UBE2QL1: variants seen among roughly 807,000 people sequenced by gnomAD.
UBE2QL1 encodes the protein ubiquitin conjugating enzyme E2 QL1.
A neutral mutation model predicts 12.6 loss-of-function variants in UBE2QL1; 5 were observed. The observed-to-expected ratio is 0.40, with a 90% CI of 0.21 to 0.83. The LOEUF is 0.83. Ranked by LOEUF, UBE2QL1 falls within the 40% of genes least tolerant of loss-of-function variation. UBE2QL1 has a pLI of 0.37. For missense variants in UBE2QL1, 99 were observed against 222.6 expected (o/e 0.44, Z 3.53); for synonymous variants, 96 against 94.5 (o/e 1.02, Z -0.10).
intron 1 of UBE2QL1, among the ~76,000 whole-genome samples, chr5:6,477,059 G>C (rs1175508122): frequency 2.0e-5 from 3 of 152,082 alleles, no homozygotes; most frequent in Non-Finnish European, 4.4e-5. Flanking sequence ...AGGGACAGGG[G>C]CAGGAAGTAG....
At chr5:6,468,690 C>A (rs996263683) in intron 1 of UBE2QL1, among the ~76,000 whole-genome samples, 1 of 152,156 alleles carries the variant, frequency 6.6e-6, no homozygotes, top group Non-Finnish European at 1.5e-5. Flanking sequence ...TTTCTGAAAG[C>A]CTTCAATTCT....
At chr5:6,459,251 A>G (rs895491454) in intron 1 of UBE2QL1, among the ~76,000 whole-genome samples, 15 of 152,316 alleles carry the variant, frequency 9.8e-5, no homozygotes, top group African/African-American at 3.1e-4. Flanking sequence ...AAATTTCACA[A>G]CACTTAAAGG....
chr5:6,481,274 G>GTC lies in UBE2QL1; in HGVS notation c.355-9936_355-9935dup, dbSNP rs2126364953. ...CCCCACAGCCTGCTCCTAAGACAGC[G>GTC]TCTCTCTCTGCAGGCCTGGCCCCGG... On this transcript the variant is annotated intron_variant, in intron 1 of 1. Coordinates refer to ENST00000399816, the MANE Select transcript of UBE2QL1 (RefSeq NM_001145161.3). This position sits in a 1 kb window ranked among gnomAD's most constrained non-coding sequence, Gnocchi z 4.5. 6.6e-6 allele frequency among the ~76,000 whole-genome samples: 1 copy of GTC among 152,276 alleles called. No homozygotes were observed. Among genetic ancestry groups the GTC allele is most frequent in the African/African-American group, 2.4e-5 (1 of 41,562 alleles).
chr5:6,464,227 G>C (rs1739736890), intron 1 of UBE2QL1, among the ~76,000 whole-genome samples: 1 of 152,192 alleles, frequency 6.6e-6, no homozygotes, highest in African/African-American at 2.4e-5. Context: ...GTGATGTTTT[G>C]AGCTACATTT....
chr5:6,450,297 A>G (rs144085138), intron 1 of UBE2QL1, among the ~76,000 whole-genome samples: 3 of 152,176 alleles, frequency 2.0e-5, no homozygotes, highest in African/African-American at 7.2e-5. Flanking sequence ...ACGAAGGGCC[A>G]AACAGTTCTC....
At chr5:6,477,425 C>G (rs550270720) in intron 1 of UBE2QL1, among the ~76,000 whole-genome samples, 1 of 151,996 alleles carries the variant, frequency 6.6e-6, no homozygotes, top group Admixed American at 6.6e-5. Flanking sequence ...CAGGTGCGCC[C>G]GGAGATCAGC....
Position 6,493,270 on chromosome 5 carries a change from G to A in UBE2QL1, c.*1921G>A, listed in dbSNP as rs1291025639. 1 of 152,234 alleles carries A rather than the reference G, an allele frequency of 6.6e-6. No homozygotes were observed. Among genetic ancestry groups the A allele is most frequent in the African/African-American group, 2.4e-5 (1 of 41,462 alleles). 9.4% of individuals were successfully genotyped at this position (152,234 alleles called of 1,614,324 possible). A position where few individuals can be genotyped will look rare whatever the true frequency, so the allele number is the denominator to read the frequency against. On this transcript the variant is annotated 3_prime_UTR_variant, in exon 2 of 2. Transcript: ENST00000399816. Reference sequence around the variant, plus strand: ...GACCCTGGAGCTAGTGGTCATCATGGAATTACACTGTGGAGATGAAAGACC... The same window carrying A: ...GACCCTGGAGCTAGTGGTCATCATGAAATTACACTGTGGAGATGAAAGACC...
At chr5:6,480,079 GTGTT>G (rs376342403) in intron 1 of UBE2QL1, among the ~76,000 whole-genome samples, 101 of 152,282 alleles carry the variant, frequency 6.6e-4, no homozygotes, top group South Asian at 4.6e-3. Context: ...TTTTTCGTTT[GTGTT>G]TGTTTGTTTG....
chr5:6,489,459 A>C (rs1354201941), intron 1 of UBE2QL1, among the ~76,000 whole-genome samples: 3 of 151,906 alleles, frequency 2.0e-5, no homozygotes, highest in Non-Finnish European at 2.9e-5. Context: ...TTTTTTAAAA[A>C]AGGAAAAGGT....
At chr5:6,480,724 G>A (rs1383886577) in intron 1 of UBE2QL1, among the ~76,000 whole-genome samples, 1 of 152,206 alleles carries the variant, frequency 6.6e-6, no homozygotes, top group Non-Finnish European at 1.5e-5. Flanking sequence ...TGTGCCTTTG[G>A]TGCTGCCAGA....
At chr5:6,465,349 CAG>C (rs1025023644) in intron 1 of UBE2QL1, among the ~76,000 whole-genome samples, 2 of 152,172 alleles carry the variant, frequency 1.3e-5, no homozygotes, top group African/African-American at 4.8e-5. Context: ...CATAATTAAG[CAG>C]AGTTAGGAAA....
At chr5:6,467,630 C>T (rs1739824651) in intron 1 of UBE2QL1, among the ~76,000 whole-genome samples, 1 of 151,336 alleles carries the variant, frequency 6.6e-6, no homozygotes, top group Admixed American at 6.6e-5. Context: ...ACAGCTCAGC[C>T]CACAGGAGAG....
intron 1 of UBE2QL1, among the ~76,000 whole-genome samples, chr5:6,453,902 G>A (rs1739464148): frequency 6.6e-6 from 1 of 152,056 alleles, no homozygotes. Context: ...TTTTTTTTGA[G>A]ACAGGGTCCC....
At position 6,492,970 on chromosome 5, in the gene UBE2QL1, A is replaced by G. The variant is rs1457730747; in HGVS notation, c.*1621A>G. 2.0e-5 allele frequency: 3 copies of G among 152,278 alleles called. No homozygotes were observed. Among genetic ancestry groups the G allele is most frequent in the Non-Finnish European group, 2.9e-5 (2 of 68,050 alleles). The allele number at this position is 152,278 out of a possible 1,614,324, so 9.4% of individuals were successfully genotyped here. ...GATCCAAGAGGCCTTGCCTCAAAGAACAAGGATTGGCGCCTTTCAGCAGGG... is the reference window on the plus strand; with the variant it reads ...GATCCAAGAGGCCTTGCCTCAAAGAGCAAGGATTGGCGCCTTTCAGCAGGG... On this transcript the variant is annotated 3_prime_UTR_variant, in exon 2 of 2. Transcript: ENST00000399816.
chr5:6,463,949 T>C (rs1461944950), intron 1 of UBE2QL1, among the ~76,000 whole-genome samples: 1 of 151,390 alleles, frequency 6.6e-6, no homozygotes, highest in Non-Finnish European at 1.5e-5. Context: ...TTGCACCAAA[T>C]TTTTGTTTCA....
chr5:6,493,019 T>C lies in UBE2QL1; in HGVS notation c.*1670T>C, dbSNP rs192549813. ...GGCTGCCCATTCACCAAACTTATTG[T>C]TACTTTTGTTTTTCTTTACCACTTT... On this transcript the variant is annotated 3_prime_UTR_variant, in exon 2 of 2. Coordinates refer to ENST00000399816, the MANE Select transcript of UBE2QL1 (RefSeq NM_001145161.3). 3.2e-4 allele frequency: 49 copies of C among 152,382 alleles called. No homozygotes were observed. The highest frequency in any genetic ancestry group is 1.1e-3 in the African/African-American group (47 of 41,590). The allele number at this position is 152,382 out of a possible 1,614,324, so 9.4% of individuals were successfully genotyped here.
intron 1 of UBE2QL1, among the ~76,000 whole-genome samples, chr5:6,473,938 G>T (rs143230591): frequency 1.8e-3 from 268 of 152,326 alleles, no homozygotes; most frequent in African/African-American, 6.4e-3. Flanking sequence ...CAGTTTTGAT[G>T]ACTTACTTCT....
intron 1 of UBE2QL1, among the ~76,000 whole-genome samples, chr5:6,456,828 G>C (rs888426134): frequency 6.6e-6 from 1 of 152,134 alleles, no homozygotes; most frequent in African/African-American, 2.4e-5. Context: ...GGGCAGGTGT[G>C]TCTGCAGAAG....
Position 6,449,199 on chromosome 5 carries a change from C to A in UBE2QL1, c.306C>A (p.Thr102=). ...CGCGCGGCTGGTCCAGCGCCTACAC[C>A]GTGGAGGCCGTCATGCGCCAGTTCG... is the stretch of plus-strand genomic sequence containing the variant. ...LTPRGWSSAY[T]VEAVMRQFAA... The change falls in exon 1 of 2, where the codon ACC becomes ACA. Residue 102 remains threonine, a synonymous_variant. Coordinates refer to ENST00000399816, the MANE Select transcript of UBE2QL1 (RefSeq NM_001145161.3). 2.0e-6 allele frequency: 3 copies of A among 1,486,862 alleles called. No homozygotes were observed. The highest frequency in any genetic ancestry group is 2.7e-6 in the Non-Finnish European group (3 of 1,113,182). 92.1% of individuals were successfully genotyped at this position (1,486,862 alleles called of 1,614,324 possible).
Sources: allele counts gnomAD v4.1 joint callset (sites outside exome capture counted in the v4.1 genomes callset), GRCh38; gene constraint gnomAD v4.1.1; non-coding constraint Gnocchi (gnomAD v3.1); transcripts MANE v1.5; gene names NCBI Gene and HGNC (gene_info 2026-07-23, HGNC 2026-07-21).